The following SYNE2 variants were observed in gnomAD, a reference collection of about 807,000 sequenced individuals.
The protein encoded by SYNE2 is nesprin-2.
In SYNE2, 431 loss-of-function variants were observed where a neutral mutation model predicts 856.3. That is an observed-to-expected ratio of 0.50 (90% CI 0.47 to 0.55). The LOEUF (loss-of-function observed/expected upper bound fraction) is 0.55, where lower values mean the gene tolerates loss of function less well. Among genes scored for constraint, SYNE2 ranks in the 20% least tolerant of loss-of-function variants. SYNE2 has a pLI of 0.00. For missense variants in SYNE2, 8,129 were observed against 8,023.2 expected (o/e 1.01, Z -0.50); for synonymous variants, 2,923 against 2,872.3 (o/e 1.02, Z -0.56).
intron 71 of SYNE2, among the ~76,000 whole-genome samples, chr14:64,125,779 G>A (rs901174446): frequency 3.3e-5 from 5 of 152,166 alleles, no homozygotes; most frequent in Admixed American, 6.5e-5. Flanking sequence ...CACTGGGGAC[G>A]TGCTTGGAGT....
intron 85 of SYNE2, among the ~76,000 whole-genome samples, chr14:64,158,217 A>G (rs1413436784): frequency 1.3e-5 from 2 of 152,168 alleles, no homozygotes; most frequent in Non-Finnish European, 1.5e-5. Flanking sequence ...CACAGACACT[A>G]TTTTATTTGT....
rs115104040 is a variant in SYNE2, at chr14:64,208,716, C to T, written c.18202-42C>T. On this transcript the variant is annotated intron_variant, in intron 100 of 115. Coordinates refer to ENST00000555002, the MANE Select transcript of SYNE2 (RefSeq NM_182914.3). ...CCTTTGATGCTGACCCTCCTGCTGC[C>T]ACCAACATCTCAAGAGGTTTCTTAC... is the stretch of plus-strand genomic sequence containing the variant. 1.6e-3 allele frequency: 2,530 copies of T among 1,609,910 alleles called. 37 individuals are homozygous for T. In the African/African-American group the frequency reaches 0.03, roughly 19 times the overall value.
At chr14:64,112,494 T>C (rs2097818920) in intron 65 of SYNE2, among the ~76,000 whole-genome samples, 1 of 152,242 alleles carries the variant, frequency 6.6e-6, no homozygotes, top group East Asian at 1.9e-4. Context: ...TATCCAATTA[T>C]CTTTTGCCTC....
intron 1 of SYNE2, among the ~76,000 whole-genome samples, chr14:63,904,112 T>C (rs906201730): frequency 6.6e-6 from 1 of 152,364 alleles, no homozygotes; most frequent in Middle Eastern, 3.4e-3. Context: ...CTTAGGATTA[T>C]GGCCTCCAGC....
At chr14:64,082,385 T>C (rs1183254405) in intron 57 of SYNE2, among the ~76,000 whole-genome samples, 1 of 151,916 alleles carries the variant, frequency 6.6e-6, no homozygotes, top group African/African-American at 2.4e-5. Flanking sequence ...ATTCCAAAAT[T>C]TGAAAAAGTC....
intron 45 of SYNE2, among the ~76,000 whole-genome samples, chr14:64,041,205 T>C (rs902436004): frequency 3.3e-5 from 5 of 152,064 alleles, no homozygotes; most frequent in African/African-American, 1.2e-4. Context: ...AGCTTAAATG[T>C]GAAGAGAAAA....
At chr14:63,912,883 T>A (rs79083974) in intron 2 of SYNE2, among the ~76,000 whole-genome samples, 1,536 of 152,312 alleles carry the variant, frequency 0.01, 29 homozygotes, top group African/African-American at 0.035. Flanking sequence ...TTTTCATTGA[T>A]TTTTTTGTGT....
chr14:64,188,669 G>T lies in SYNE2; in HGVS notation c.17832G>T (p.Ala5944=). 1.2e-6 allele frequency: 2 copies of T among 1,614,142 alleles called. No individual in the cohort carries two copies. Among genetic ancestry groups the T allele is most frequent in the South Asian group, 2.2e-5 (2 of 91,082 alleles). ...VQMENKVLQT[A]DISIEEMIEK... The stretch of plus-strand genomic sequence containing the variant: ...TGGAAAACAAAGTTCTACAGACAGC[G>T]GACATTAGTATTGAAGAAATGATTG... The change falls in exon 98 of 116, where the codon GCG becomes GCT. Residue 5944 remains alanine, a synonymous_variant. Coordinates refer to ENST00000555002, the MANE Select transcript of SYNE2 (RefSeq NM_182914.3).
intron 1 of SYNE2, among the ~76,000 whole-genome samples, chr14:63,764,517 G>A (rs370175807): frequency 3.7e-4 from 11 of 29,610 alleles, no homozygotes; most frequent in Admixed American, 1.0e-3. Context: ...CCCCGCCCCC[G>A]CCTCCATCTC....
At chr14:64,028,789 A>G (rs372430377) in intron 43 of SYNE2, among the ~76,000 whole-genome samples, 1 of 152,070 alleles carries the variant, frequency 6.6e-6, no homozygotes, top group Non-Finnish European at 1.5e-5. Context: ...TCTTATATCC[A>G]CCTTCTTATC....
At chr14:64,028,266 TA>T in intron 43 of SYNE2, among the ~76,000 whole-genome samples, 1 of 152,090 alleles carries the variant, frequency 6.6e-6, no homozygotes, top group African/African-American at 2.4e-5. Context: ...TTTATTTATT[TA>T]TTTTTAGAGA....
Position 63,942,036 on chromosome 14 carries a change from CTT to C in SYNE2, c.316-11_316-10del. 6.2e-7 allele frequency: 1 copy of C among 1,602,106 alleles called. No individual in the cohort carries two copies. The highest frequency in any genetic ancestry group is 8.5e-7 in the Non-Finnish European group (1 of 1,169,928). ...GGATATTTCCTCCTTTTAACCTGCACTTTTTGTTTTCCAGATTAAGCTAATAA... is the reference window on the plus strand; with the variant it reads ...GGATATTTCCTCCTTTTAACCTGCACTTTGTTTTCCAGATTAAGCTAATAA... On this transcript the variant is annotated splice_polypyrimidine_tract_variant and intron_variant, in intron 5 of 115. Transcript: ENST00000555002.
intron 11 of SYNE2, among the ~76,000 whole-genome samples, chr14:63,975,751 A>G (rs2096537380): frequency 6.6e-6 from 1 of 152,230 alleles, no homozygotes; most frequent in Admixed American, 6.5e-5. Context: ...ATTTTCGCCT[A>G]ACTGCTGCAT....
At chr14:64,119,675 A>G in intron 67 of SYNE2, 66 bp downstream of exon 67, 1 of 1,550,318 alleles carries the variant, frequency 6.5e-7, no homozygotes, top group Non-Finnish European at 8.8e-7. Flanking sequence ...CCAGAAGAGA[A>G]CTCTGGTTGG....
At chr14:63,787,776 A>G (rs1413208448) in intron 1 of SYNE2, among the ~76,000 whole-genome samples, 1 of 152,160 alleles carries the variant, frequency 6.6e-6, no homozygotes, top group Non-Finnish European at 1.5e-5. Context: ...GGCTGGCTGG[A>G]AAAGGCACCA....
intron 60 of SYNE2, among the ~76,000 whole-genome samples, 153 bp from the exon 61 acceptor site, chr14:64,093,194 TTC>T (rs2097644209): frequency 6.6e-6 from 1 of 152,194 alleles, no homozygotes. Context: ...GCAAACATTC[TTC>T]TCTCTGTTTA....
Position 64,121,926 on chromosome 14 carries a change from A to G in SYNE2, c.13159-86A>G. ...TTAATGATTTAGGAACTGGCTCAAA[A>G]TTAGATTTATCTCAGCAGAGGAAAC... On this transcript the variant is annotated intron_variant, in intron 68 of 115. Transcript: ENST00000555002. 2.6e-6 allele frequency: 4 copies of G among 1,563,478 alleles called. No homozygotes were observed. The South Asian group carries it at 4.6e-5, about 18-fold the overall frequency.
chr14:63,803,708 C>G (rs1888251447), intron 1 of SYNE2, among the ~76,000 whole-genome samples: 1 of 152,218 alleles, frequency 6.6e-6, no homozygotes, highest in Non-Finnish European at 1.5e-5. Flanking sequence ...GAAAGGGGCT[C>G]CCATAGTGCA....
intron 66 of SYNE2, among the ~76,000 whole-genome samples, chr14:64,113,911 C>T (rs1026249513): frequency 5.9e-5 from 9 of 151,796 alleles, no homozygotes; most frequent in African/African-American, 1.7e-4. Context: ...AAAGTAGTGT[C>T]GCAGGATTTA....
Sources: gnomAD v4.1 joint callset for allele counts (sites outside exome capture counted in the v4.1 genomes callset) on GRCh38, gnomAD v4.1.1 for gene constraint, MANE v1.5 for transcripts, NCBI Gene and HGNC (gene_info 2026-07-23, HGNC 2026-07-21) for gene names.